Variants in DSCAM observed in about 807,000 individuals in gnomAD.
DSCAM encodes cell adhesion molecule DSCAM.
In DSCAM, 47 loss-of-function variants were observed where a neutral mutation model predicts 217.7. That is an observed-to-expected ratio of 0.22 (90% CI 0.17 to 0.28). The LOEUF (loss-of-function observed/expected upper bound fraction) is 0.28, where lower values mean the gene tolerates loss of function less well. Among genes scored for constraint, DSCAM ranks in the 10% least tolerant of loss-of-function variants. The probability of loss-of-function intolerance (pLI) is 1.00; values close to 1 mark genes in which losing one functional copy is unlikely to be tolerated. For synonymous variants in DSCAM, 1,056 were observed against 1,015.3 expected (o/e 1.04, Z -0.76); for missense variants, 2,080 against 2,618.3 (o/e 0.79, Z 4.49).
intron 3 of DSCAM, among the ~76,000 whole-genome samples, chr21:40,484,126 C>T (rs2076005546): frequency 6.6e-6 from 1 of 152,206 alleles, no homozygotes; most frequent in African/African-American, 2.4e-5. Context: ...TCAGCAGGTT[C>T]CCCACCTATA....
At chr21:40,703,993 T>C (rs1355879423) in intron 2 of DSCAM, among the ~76,000 whole-genome samples, 1 of 152,202 alleles carries the variant, frequency 6.6e-6, no homozygotes. Flanking sequence ...TATTATCATC[T>C]TGCATTAATG....
At chr21:40,583,906 T>TAA (rs10681677) in intron 3 of DSCAM, among the ~76,000 whole-genome samples, 7,260 of 140,018 alleles carry the variant, frequency 0.052, 374 homozygotes, top group African/African-American at 0.13. Flanking sequence ...TAAAGTCTAT[T>TAA]AAAAAAAAAA....
chr21:40,186,089 C>G (rs1245682458), intron 14 of DSCAM, among the ~76,000 whole-genome samples: 1 of 152,070 alleles, frequency 6.6e-6, no homozygotes, highest in African/African-American at 2.4e-5. Context: ...TTGTTTTGAT[C>G]CATATCTTCT....
intron 20 of DSCAM, among the ~76,000 whole-genome samples, chr21:40,109,098 T>C (rs2089861038): frequency 1.3e-5 from 2 of 152,090 alleles, no homozygotes. Context: ...TGGGCAAAGA[T>C]TTCATGATGA....
chr21:40,391,016 T>C (rs1283339708), intron 3 of DSCAM, among the ~76,000 whole-genome samples: 1 of 152,188 alleles, frequency 6.6e-6, no homozygotes, highest in Non-Finnish European at 1.5e-5. Context: ...TTTGCAAGTG[T>C]AGGGAGTGGA....
intron 3 of DSCAM, among the ~76,000 whole-genome samples, chr21:40,449,487 A>G (rs1601652825): frequency 6.6e-6 from 1 of 152,352 alleles, no homozygotes; most frequent in Non-Finnish European, 1.5e-5. Context: ...TCCAGTTATT[A>G]CATTCACTTT....
At chr21:40,790,460 T>C (rs2091632107) in intron 1 of DSCAM, among the ~76,000 whole-genome samples, 1 of 152,238 alleles carries the variant, frequency 6.6e-6, no homozygotes, top group Non-Finnish European at 1.5e-5. Flanking sequence ...TAGAGTTTAC[T>C]TTATCTTACC....
intron 3 of DSCAM, among the ~76,000 whole-genome samples, chr21:40,458,917 T>C (rs1487509440): frequency 6.6e-6 from 1 of 152,024 alleles, no homozygotes; most frequent in African/African-American, 2.4e-5. Context: ...AAACGGTGAC[T>C]GGAGAACATA....
At chr21:40,499,077 A>C (rs1393320345) in intron 3 of DSCAM, among the ~76,000 whole-genome samples, 1 of 151,974 alleles carries the variant, frequency 6.6e-6, no homozygotes, top group African/African-American at 2.4e-5. Flanking sequence ...ATTAACTGGA[A>C]TGAAGCAGGT....
chr21:40,810,911 A>C (rs1268816566), intron 1 of DSCAM, among the ~76,000 whole-genome samples: 2 of 149,488 alleles, frequency 1.3e-5, no homozygotes, highest in East Asian at 3.9e-4. Context: ...TCTCTAAAAA[A>C]AATGCTATAG....
intron 30 of DSCAM, among the ~76,000 whole-genome samples, chr21:40,044,804 T>C (rs1359034472): frequency 6.6e-6 from 1 of 152,228 alleles, no homozygotes; most frequent in Non-Finnish European, 1.5e-5. Context: ...GGCATCGTCA[T>C]ATTCTGTAAA....
At chr21:40,477,828 A>AT (rs1222574800) in intron 3 of DSCAM, among the ~76,000 whole-genome samples, 1 of 152,052 alleles carries the variant, frequency 6.6e-6, no homozygotes, top group Non-Finnish European at 1.5e-5. Context: ...CTCCACTGAC[A>AT]TTTTTTTCTG....
intron 3 of DSCAM, among the ~76,000 whole-genome samples, chr21:40,545,121 G>A (rs1438015437): frequency 6.6e-6 from 1 of 152,168 alleles, no homozygotes; most frequent in Non-Finnish European, 1.5e-5. Context: ...GAGAGCTTGT[G>A]TTCTGTCCTT....
At chr21:40,262,812 T>C (rs776672409) in intron 11 of DSCAM, among the ~76,000 whole-genome samples, 4 of 152,228 alleles carry the variant, frequency 2.6e-5, no homozygotes, top group Non-Finnish European at 5.9e-5. Context: ...TGGCTGACTG[T>C]GCCTAATACC....
chr21:40,228,752 G>A (rs116745646), intron 11 of DSCAM, among the ~76,000 whole-genome samples: 198 of 150,036 alleles, frequency 1.3e-3, no homozygotes, highest in African/African-American at 4.6e-3. Context: ...TAGAATTAGC[G>A]TTCTCAAAGG....
intron 1 of DSCAM, among the ~76,000 whole-genome samples, chr21:40,801,118 A>T (rs576677524): frequency 4.6e-5 from 7 of 151,734 alleles, no homozygotes; most frequent in African/African-American, 1.7e-4. Context: ...CACCTGGATA[A>T]TTTTTTGTGT....
chr21:40,637,632 A>AATATATATCTAT (rs1555875013), intron 3 of DSCAM, among the ~76,000 whole-genome samples: 486 of 42,126 alleles, frequency 0.012, 7 homozygotes, highest in African/African-American at 0.031. Flanking sequence ...TACATATATA[A>AATATATATCTAT]ATATATATAA....
At chr21:40,825,266 T>TTTCTTTCCTTCCTTCC (rs1555892730) in intron 1 of DSCAM, among the ~76,000 whole-genome samples, 1 of 139,952 alleles carries the variant, frequency 7.1e-6, no homozygotes, top group Non-Finnish European at 1.5e-5. Flanking sequence ...ATTTTCTTTC[T>TTTCTTTCCTTCCTTCC]TTCCTTCCTT....
intron 3 of DSCAM, among the ~76,000 whole-genome samples, chr21:40,549,440 C>T (rs766692246): frequency 6.6e-5 from 10 of 152,098 alleles, no homozygotes; most frequent in South Asian, 2.1e-4. Flanking sequence ...CCACTACTTG[C>T]GCTTAGGAAG....
Sources: gnomAD v4.1 joint callset for allele counts (sites outside exome capture counted in the v4.1 genomes callset) on GRCh38, gnomAD v4.1.1 for gene constraint, MANE v1.5 for transcripts, NCBI Gene and HGNC (gene_info 2026-07-23, HGNC 2026-07-21) for gene names.